MTHFD1: variants seen among roughly 807,000 people sequenced by gnomAD.
MTHFD1 encodes the protein C-1-tetrahydrofolate synthase, cytoplasmic.
MTHFD1 carries 44 observed loss-of-function variants against 110.3 expected under a neutral mutation model. The ratio of observed to expected loss-of-function variants is 0.40; its 90% CI spans 0.31 to 0.51. The LOEUF (loss-of-function observed/expected upper bound fraction) is 0.51. Ranked by LOEUF, MTHFD1 falls within the 20% of genes least tolerant of loss-of-function variation. The pLI is 0.60. For synonymous variants in MTHFD1, 402 were observed against 428.8 expected, an observed-to-expected ratio of 0.94 and a Z score of 0.77; for missense variants, 909 against 1,173.1, an observed-to-expected ratio of 0.77 and a Z score of 3.29.
chr14:64,430,930 C>A (rs892131628), intron 13 of MTHFD1, among the ~76,000 whole-genome samples: 1 of 152,104 alleles, frequency 6.6e-6, no homozygotes, highest in Admixed American at 6.6e-5. Context: ...TCCTCAGTAA[C>A]CCAGTGTGGC....
At chr14:64,457,984 A>G in intron 26 of MTHFD1, 1 of 592,556 alleles carries the variant, frequency 1.7e-6, no homozygotes, top group South Asian at 2.0e-5. Flanking sequence ...TCAACCTCCT[A>G]GCCTCAAGCA....
rs1371500467 is a variant in MTHFD1 at position 64,442,246 on chromosome 14, T to TG, written c.1997-16dup. ...GGAATTGGGATGGCATTTTTACTGTTGCTTTCCTCTTTACAGTGACGGAAG... is the reference window on the plus strand; with the variant it reads ...GGAATTGGGATGGCATTTTTACTGTTGGCTTTCCTCTTTACAGTGACGGAAG... On this transcript the variant is annotated splice_polypyrimidine_tract_variant and intron_variant, in intron 20 of 27. Transcript: ENST00000652337. The TG allele has an allele frequency of 6.2e-7, 1 of 1,614,254 alleles. No homozygotes were observed. Among genetic ancestry groups the TG allele is most frequent in the Non-Finnish European group, 8.5e-7 (1 of 1,180,032 alleles).
At chr14:64,394,622 AG>A (rs35327320) in intron 1 of MTHFD1, among the ~76,000 whole-genome samples, 10,311 of 151,816 alleles carry the variant, frequency 0.068, 414 homozygotes, top group Non-Finnish European at 0.082. Context: ...GAGAGGTCCC[AG>A]GAGATAAGGG....
intron 18 of MTHFD1, chr14:64,440,749 CTG>C: frequency 4.0e-6 from 1 of 251,338 alleles, no homozygotes; most frequent in South Asian, 4.8e-5. Flanking sequence ...TTACAAATAA[CTG>C]AGTACTCTGG....
chr14:64,410,755 CTG>C (rs772244446), intron 2 of MTHFD1, among the ~76,000 whole-genome samples: 2 of 152,158 alleles, frequency 1.3e-5, no homozygotes, highest in African/African-American at 2.4e-5. Context: ...CCTCCATACT[CTG>C]TTTTTCTGGT....
chr14:64,393,484 CTG>C (rs1408681018), intron 1 of MTHFD1, among the ~76,000 whole-genome samples: 1 of 152,082 alleles, frequency 6.6e-6, no homozygotes, highest in Non-Finnish European at 1.5e-5. Flanking sequence ...GGAAACTTGA[CTG>C]TCATAGCTGG....
At chr14:64,457,998 C>T (rs1045170027) in intron 26 of MTHFD1, 3 of 603,290 alleles carry the variant, frequency 5.0e-6, no homozygotes, top group African/African-American at 1.9e-5. Context: ...TCAAGCAATC[C>T]TCCTGCCTTA....
At position 64,443,993 on chromosome 14, in the gene MTHFD1, G is replaced by C. The variant is rs550384335; in HGVS notation, c.2137-700G>C. Among the ~76,000 whole-genome samples, 59 of 152,176 alleles carry C rather than the reference G, an allele frequency of 3.9e-4. No homozygotes were observed. The South Asian group carries it at 0.012, about 30-fold the overall frequency. On this transcript the variant is annotated intron_variant, in intron 21 of 27. Transcript: ENST00000652337. ...AGTCTCACTGCAATGGAAGAGGGCA[G>C]AGCTTCTTAATCACTATCCACTGCC...
chr14:64,439,376 T>TC (rs950859604), intron 17 of MTHFD1: 7 of 593,446 alleles, frequency 1.2e-5, no homozygotes, highest in South Asian at 9.8e-5. Context: ...TGTGTGTTTT[T>TC]CCCCCGGCAT....
chr14:64,397,189 AT>A (rs1334666534), intron 1 of MTHFD1, among the ~76,000 whole-genome samples: 2 of 5,752 alleles, frequency 3.5e-4, no homozygotes, highest in African/African-American at 1.4e-3. Context: ...ATATATATAT[AT>A]AAAAAACAGT....
At chr14:64,448,659 G>C in intron 23 of MTHFD1, 2 of 313,936 alleles carry the variant, frequency 6.4e-6, no homozygotes, top group East Asian at 7.6e-5. Context: ...ACTAGATCTG[G>C]TGGGATGTTG....
intron 13 of MTHFD1, among the ~76,000 whole-genome samples, chr14:64,430,584 CCG>C (rs1421933365): frequency 6.6e-6 from 1 of 152,212 alleles, no homozygotes; most frequent in Non-Finnish European, 1.5e-5. Flanking sequence ...GCGTGAGCCA[CCG>C]CACCCAGCCT....
chr14:64,418,093 C>T, intron 7 of MTHFD1, 69 bp downstream of exon 7: 2 of 1,566,286 alleles, frequency 1.3e-6, no homozygotes, highest in Non-Finnish European at 1.8e-6. Context: ...GCTGCCATGT[C>T]CTTTACACTC....
intron 1 of MTHFD1, 126 bp downstream of exon 1, chr14:64,388,594 G>A: frequency 1.2e-6 from 1 of 849,658 alleles, no homozygotes. Context: ...CATAACACCT[G>A]AAGACCTGCA....
chr14:64,419,700 T>G, intron 7 of MTHFD1, 114 bp from the exon 8 acceptor site: 1 of 765,510 alleles, frequency 1.3e-6, no homozygotes, highest in Middle Eastern at 3.5e-4. Flanking sequence ...ATGAAATAGC[T>G]TATGACACTT....
At chr14:64,444,581 C>A (rs2078275671) in intron 21 of MTHFD1, 112 bp from the exon 22 acceptor site, 2 of 1,171,046 alleles carry the variant, frequency 1.7e-6, no homozygotes, top group South Asian at 2.5e-5. Context: ...TCTTATACTA[C>A]TGTACAGCCT....
chr14:64,411,490 A>G (rs1033160886), intron 3 of MTHFD1, among the ~76,000 whole-genome samples: 2 of 152,202 alleles, frequency 1.3e-5, no homozygotes, highest in Non-Finnish European at 2.9e-5. Context: ...GAGTTCTCCA[A>G]ATTTAAAGAG....
intron 24 of MTHFD1, among the ~76,000 whole-genome samples, chr14:64,453,294 G>A (rs2078406226): frequency 1.3e-5 from 2 of 151,980 alleles, no homozygotes; most frequent in African/African-American, 4.8e-5. Context: ...GTTCCTGGCT[G>A]GGTGCAGTGG....
intron 1 of MTHFD1, among the ~76,000 whole-genome samples, chr14:64,390,783 A>C (rs2140938814): frequency 6.6e-6 from 1 of 151,948 alleles, no homozygotes; most frequent in Non-Finnish European, 1.5e-5. Flanking sequence ...CGAGTAGCTG[A>C]GACTACAGGT....
Sources: gnomAD v4.1 joint callset for allele counts (sites outside exome capture counted in the v4.1 genomes callset) on GRCh38, gnomAD v4.1.1 for gene constraint, MANE v1.5 for transcripts, NCBI Gene and HGNC (gene_info 2026-07-23, HGNC 2026-07-21) for gene names.